NOTCH2: variants seen among roughly 807,000 people sequenced by gnomAD.
NOTCH2 encodes the protein notch receptor 2.
In NOTCH2, 29 loss-of-function variants were observed where a neutral mutation model predicts 235.8. The observed-to-expected ratio is 0.12, with a 90% CI of 0.09 to 0.17. The LOEUF (loss-of-function observed/expected upper bound fraction) is 0.17. Ranked by LOEUF, NOTCH2 falls within the 10% of genes least tolerant of loss-of-function variation. The pLI, the probability that NOTCH2 is intolerant of heterozygous loss-of-function variation, is 1.00. For missense variants in NOTCH2, 2,285 were observed against 3,150.2 expected, an observed-to-expected ratio of 0.73 and a Z score of 6.57; for synonymous variants, 1,086 against 1,141.5, an observed-to-expected ratio of 0.95 and a Z score of 0.98.
intron 1 of NOTCH2, among the ~76,000 whole-genome samples, chr1:120,033,004 C>A (rs1407304232): frequency 6.7e-6 from 1 of 148,726 alleles, no homozygotes; most frequent in Non-Finnish European, 1.5e-5. Context: ...AATAGAATCA[C>A]CACATGATCT....
chr1:119,933,578 A>G (rs905005046), intron 22 of NOTCH2, among the ~76,000 whole-genome samples: 2 of 152,236 alleles, frequency 1.3e-5, no homozygotes, highest in Non-Finnish European at 2.9e-5. Context: ...GATTAACAGC[A>G]TATTTCTCAT....
chr1:120,037,710 C>T (rs1289841997), intron 1 of NOTCH2, among the ~76,000 whole-genome samples: 1 of 151,040 alleles, frequency 6.6e-6, no homozygotes, highest in Admixed American at 6.6e-5. Context: ...AGAGATAAAT[C>T]GATTTTGTTT....
At chr1:119,955,273 T>C (rs782659964) in intron 12 of NOTCH2, 41 bp from the exon 13 acceptor site, 2 of 1,596,256 alleles carry the variant, frequency 1.3e-6, no homozygotes, top group Non-Finnish European at 1.7e-6. Context: ...TCCTAAATGC[T>C]TAGGAAATAG....
At chr1:119,997,932 C>T (rs1464690738) in intron 3 of NOTCH2, among the ~76,000 whole-genome samples, 2 of 146,556 alleles carry the variant, frequency 1.4e-5, no homozygotes, top group African/African-American at 5.3e-5. Flanking sequence ...CGAGATTGTA[C>T]CACTGCACTC....
intron 1 of NOTCH2, among the ~76,000 whole-genome samples, chr1:120,065,513 G>T (rs1227591722): frequency 6.6e-6 from 1 of 152,216 alleles, no homozygotes; most frequent in Non-Finnish European, 1.5e-5. Flanking sequence ...AGTGAATGAG[G>T]CACTGGACAC....
At chr1:119,983,918 T>C (rs1371408509) in intron 5 of NOTCH2, among the ~76,000 whole-genome samples, 2 of 152,248 alleles carry the variant, frequency 1.3e-5, no homozygotes, top group African/African-American at 4.8e-5. Context: ...GTCTTATCCA[T>C]TCTTTTTCAA....
chr1:119,968,260 T>A lies in NOTCH2; in HGVS notation c.1109-28A>T, dbSNP rs782162645. ...GTCACAGGGTGGGGCAAAGGACAAC[T>A]AAGAGAAAATGTCTCTCACTTGGGG... On this transcript the variant is annotated intron_variant, in intron 6 of 33. Coordinates refer to ENST00000256646, the MANE Select transcript of NOTCH2 (RefSeq NM_024408.4). The A allele has an allele frequency of 4.3e-6, 7 of 1,610,850 alleles. No homozygotes were observed. The African/African-American group carries it at 8.0e-5, about 18-fold the overall frequency.
intron 1 of NOTCH2, among the ~76,000 whole-genome samples, chr1:120,065,470 C>T (rs374477449): frequency 6.6e-6 from 1 of 152,088 alleles, no homozygotes; most frequent in Non-Finnish European, 1.5e-5. Context: ...TGCACATAAG[C>T]GCATTTGTAC....
chr1:119,955,900 C>T (rs903831231), intron 12 of NOTCH2, among the ~76,000 whole-genome samples: 4 of 152,186 alleles, frequency 2.6e-5, no homozygotes, highest in African/African-American at 9.7e-5. Context: ...GCAAAATCAT[C>T]ACTTTAAGTT....
intron 1 of NOTCH2, among the ~76,000 whole-genome samples, chr1:120,066,374 T>C (rs1246423341): frequency 6.7e-6 from 1 of 148,164 alleles, no homozygotes; most frequent in Non-Finnish European, 1.5e-5. Context: ...ACTTACCTTA[T>C]CAGAATCCCT....
chr1:119,966,505 C>G lies in NOTCH2; in HGVS notation c.1454-16G>C. The G allele has an allele frequency of 6.4e-7, 1 of 1,571,314 alleles. No homozygotes were observed. Among genetic ancestry groups the G allele is most frequent in the Non-Finnish European group, 8.8e-7 (1 of 1,140,984 alleles). ...CCTTTGAAACCTAAACAAAACAGAC[C>G]ACACAAGTGGCTTAAAGAGAGAGAA... On this transcript the variant is annotated splice_polypyrimidine_tract_variant and intron_variant, in intron 8 of 33. Coordinates refer to ENST00000256646, the MANE Select transcript of NOTCH2 (RefSeq NM_024408.4).
intron 1 of NOTCH2, among the ~76,000 whole-genome samples, chr1:120,040,973 G>A (rs1446855080): frequency 2.8e-5 from 4 of 143,044 alleles, no homozygotes; most frequent in Admixed American, 7.0e-5. Context: ...CCCGGGAGGC[G>A]GAGCTTGCAA....
chr1:119,919,520 A>G lies in NOTCH2; in HGVS notation c.5573T>C (p.Ile1858Thr), dbSNP rs760470905. 2 of 1,614,026 alleles carry G rather than the reference A, an allele frequency of 1.2e-6. No homozygotes were observed. Among genetic ancestry groups the G allele is most frequent in the Non-Finnish European group, 1.7e-6 (2 of 1,180,032 alleles). Residue 1858 changes from isoleucine (I) to threonine (T), a missense_variant, in exon 31 of 34, where the codon ATC becomes ACC. Physicochemically the swap from Ile to Thr is moderately conservative, Grantham distance 89 (BLOSUM62 -1). This residue lies in a region of NOTCH2 where 1,173 missense variants were observed against 1,515.3 expected (regional missense o/e 0.77). Coordinates refer to ENST00000256646, the MANE Select transcript of NOTCH2 (RefSeq NM_024408.4). ...ACCCTGGTAGACCAAGTCTGTGATGATGTTAGCAGAAGAGTCCTCTGCATC... is the reference window on the plus strand; with the variant it reads ...ACCCTGGTAGACCAAGTCTGTGATGGTGTTAGCAGAAGAGTCCTCTGCATC... ...DEDAEDSSAN[I>T]ITDLVYQGAS...
chr1:119,987,709 CTAATTA>C lies in NOTCH2; in HGVS notation c.752-633_752-628del, dbSNP rs587715832. Among the ~76,000 whole-genome samples, 426 of 152,254 alleles carry C rather than the reference CTAATTA, an allele frequency of 2.8e-3. 1 individual carries two copies. The highest frequency in any genetic ancestry group is 4.6e-3 in the Non-Finnish European group (311 of 68,014). On this transcript the variant is annotated intron_variant, in intron 4 of 33. Transcript: ENST00000256646. ...AATTCCACTTGCCTATCCTGTCTTT[CTAATTA>C]TAAGTGCCACATCATGAGTAAAGTG...
chr1:119,985,275 A>C (rs1355952115), intron 5 of NOTCH2, among the ~76,000 whole-genome samples: 1 of 152,204 alleles, frequency 6.6e-6, no homozygotes, highest in East Asian at 1.9e-4. Context: ...GGTCACTCTA[A>C]ATGACAGACA....
chr1:119,950,474 C>T, intron 15 of NOTCH2: 1 of 628,116 alleles, frequency 1.6e-6, no homozygotes, highest in Non-Finnish European at 3.0e-6. Flanking sequence ...CAGCCACATA[C>T]AATTAAAAAA....
chr1:119,918,844 A>G (rs1649173308), intron 31 of NOTCH2, among the ~76,000 whole-genome samples: 1 of 152,268 alleles, frequency 6.6e-6, no homozygotes, highest in African/African-American at 2.4e-5. Flanking sequence ...CAGTCAGGAT[A>G]CAGCCTAAGG....
At chr1:119,945,269 C>A (rs1453027729) in intron 17 of NOTCH2, among the ~76,000 whole-genome samples, 8 of 152,018 alleles carry the variant, frequency 5.3e-5, no homozygotes, top group Admixed American at 3.9e-4. Flanking sequence ...AAAATGTAAT[C>A]ATAAAAATAC....
intron 17 of NOTCH2, among the ~76,000 whole-genome samples, chr1:119,945,107 C>G (rs1342063587): frequency 2.0e-5 from 3 of 151,984 alleles, no homozygotes; most frequent in Non-Finnish European, 4.4e-5. Flanking sequence ...TGTGAGTGTA[C>G]AGCTCTTCTC....
Sources: gnomAD v4.1 joint callset for allele counts (sites outside exome capture counted in the v4.1 genomes callset) on GRCh38, gnomAD v4.1.1 for gene constraint, gnomAD v4.1.1 regional missense constraint, MANE v1.5 for transcripts, NCBI Gene and HGNC (gene_info 2026-07-23, HGNC 2026-07-21) for gene names.